Variants in CFH observed in about 807,000 individuals in gnomAD.
The protein encoded by CFH is H factor 1 (complement).
A neutral mutation model predicts 147.3 loss-of-function variants in CFH; 53 were observed. That is an observed-to-expected ratio of 0.36 (90% confidence interval 0.29 to 0.45). The LOEUF (loss-of-function observed/expected upper bound fraction) is 0.45, where lower values mean the gene tolerates loss of function less well. Ranked by LOEUF, CFH falls within the 20% of genes least tolerant of loss-of-function variation. The probability of loss-of-function intolerance (pLI) is 1.00; values close to 1 mark genes in which losing one functional copy is unlikely to be tolerated. For missense variants in CFH, 1,380 were observed against 1,498.0 expected (o/e 0.92, Z 1.30); for synonymous variants, 536 against 489.4 (o/e 1.10, Z -1.26).
At chr1:196,736,531 C>T (rs1265952169) in intron 15 of CFH, among the ~76,000 whole-genome samples, 2 of 151,770 alleles carry the variant, frequency 1.3e-5, no homozygotes, top group African/African-American at 2.4e-5. Context: ...ATCAATATTA[C>T]ATAAATTATG....
intron 9 of CFH, among the ~76,000 whole-genome samples, chr1:196,692,655 T>G (rs1668077223): frequency 6.6e-6 from 1 of 150,868 alleles, no homozygotes; most frequent in South Asian, 2.1e-4. Context: ...TTGTCTACGT[T>G]TCTCCTTCTT....
intron 10 of CFH, among the ~76,000 whole-genome samples, chr1:196,714,660 TATATATATAGAGAGAGAGAGAGAGAG>T (rs1240359873): frequency 2.3e-5 from 1 of 43,504 alleles, no homozygotes; most frequent in East Asian, 7.2e-4. Context: ...TATATATATA[TATATATATAGAGAGAGAGAGAGAGAG>T]AGAGAGAGAG....
chr1:196,744,826 C>A (rs1321734339), intron 20 of CFH, among the ~76,000 whole-genome samples: 1 of 152,004 alleles, frequency 6.6e-6, no homozygotes, highest in Admixed American at 6.6e-5. Context: ...TTTCTTTTAT[C>A]TGTTTTATTT....
At chr1:196,688,803 G>A (rs1432841707) in intron 7 of CFH, among the ~76,000 whole-genome samples, 1 of 151,960 alleles carries the variant, frequency 6.6e-6, no homozygotes, top group Admixed American at 6.6e-5. Context: ...TAGTAGAGAC[G>A]GAGTATCACC....
At chr1:196,726,738 CT>C (rs35870521) in intron 13 of CFH, 22 bp from the exon 14 acceptor site, 1 of 1,612,350 alleles carries the variant, frequency 6.2e-7, no homozygotes, top group South Asian at 1.1e-5. Flanking sequence ...TCACAATAAA[CT>C]TTTTTTGTAA....
In CFH at chr1:196,673,921, G is replaced by C; in HGVS notation, c.309G>C (p.Val103=). The C allele has an allele frequency of 6.2e-7, 1 of 1,613,304 alleles. No homozygotes were observed. The highest frequency in any genetic ancestry group is 8.5e-7 in the Non-Finnish European group (1 of 1,179,514). The change falls in exon 3 of 22, where the codon GTG becomes GTC. Residue 103 remains valine (V), a synonymous_variant. Coordinates refer to ENST00000367429, the MANE Select transcript of CFH (RefSeq NM_000186.4). ...FGTFTLTGGN[V]FEYGVKAVYT... ...CTTTTACCCTTACAGGAGGAAATGT[G>C]TTTGAATATGGTGTAAAAGCTGTGT...
In CFH at chr1:196,672,959, T is replaced by A; in HGVS notation, c.59-19T>A. On this transcript the variant is annotated intron_variant, in intron 1 of 21. Coordinates refer to ENST00000367429, the MANE Select transcript of CFH (RefSeq NM_000186.4). ...TAAATAGACACTTTATGCACTTATT[T>A]TGTTTTTATTGTTTGTAGATTGCAA... The A allele has an allele frequency of 6.2e-7, 1 of 1,604,662 alleles. No individual in the cohort carries two copies.
At chr1:196,710,919 C>A (rs1344429086) in intron 9 of CFH, among the ~76,000 whole-genome samples, 2 of 151,954 alleles carry the variant, frequency 1.3e-5, no homozygotes, top group Non-Finnish European at 2.9e-5. Context: ...TTGAGAGAGC[C>A]ATGATAGTTT....
chr1:196,669,947 C>A (rs1224609450), intron 1 of CFH, among the ~76,000 whole-genome samples: 2 of 152,216 alleles, frequency 1.3e-5, no homozygotes, highest in African/African-American at 2.4e-5. Context: ...ACCATTGGGG[C>A]AGGTCTGCCC....
chr1:196,715,610 G>T lies in CFH; in HGVS notation c.1537G>T (p.Val513Leu). ...TGCACTAGAATCTTGTGATATCCCA[G>T]TATTTATGAATGCCAGAACTAAAAA... is the stretch of plus-strand genomic sequence containing the variant. Reference protein sequence around the residue: ...PTCIKSCDIPVFMNARTKNDF... With the variant: ...PTCIKSCDIPLFMNARTKNDF... The change falls in exon 11 of 22, where the codon GTA (valine) becomes TTA (leucine). Residue 513 changes from valine to leucine, a missense_variant. Val to Leu is a conservative substitution (Grantham distance 32). Coordinates refer to ENST00000367429, the MANE Select transcript of CFH (RefSeq NM_000186.4). The T allele has an allele frequency of 6.2e-7, 1 of 1,612,082 alleles. No homozygotes were observed. The highest frequency in any genetic ancestry group is 8.5e-7 in the Non-Finnish European group (1 of 1,178,668).
intron 9 of CFH, among the ~76,000 whole-genome samples, chr1:196,710,297 C>G (rs1476358869): frequency 1.3e-5 from 2 of 152,100 alleles, no homozygotes; most frequent in Non-Finnish European, 2.9e-5. Flanking sequence ...TGATTAAAGC[C>G]TTTCTTTGCT....
chr1:196,729,440 C>A (rs992375310), intron 15 of CFH, among the ~76,000 whole-genome samples: 4 of 151,940 alleles, frequency 2.6e-5, no homozygotes, highest in African/African-American at 7.2e-5. Flanking sequence ...TTGGATTAAA[C>A]CCATTTGATC....
rs921123293 is a variant in CFH at position 196,652,080 on chromosome 1, G to A, written c.-38G>A. The A allele has an allele frequency of 4.2e-6, 6 of 1,420,282 alleles. No homozygotes were observed. The highest frequency in any genetic ancestry group is 3.3e-5 in the Admixed American group (2 of 59,718). 88.0% of individuals were successfully genotyped at this position (1,420,282 alleles called of 1,614,324 possible). The stretch of plus-strand genomic sequence containing the variant: ...AGAGGAGAACTGGACGTTGTGAACA[G>A]AGTTAGCTGGTAAATGTCCTCTTAA... On this transcript the variant is annotated 5_prime_UTR_variant, in exon 1 of 22. Transcript: ENST00000367429.
At position 196,673,801 on chromosome 1, in the gene CFH, A is replaced by G; in HGVS notation, c.245-56A>G. ...AATATACTTGTTCCCCCACTCCTAC[A>G]TAAAATATATTCCTTGCTATTACAT... On this transcript the variant is annotated intron_variant, in intron 2 of 21. Transcript: ENST00000367429. The G allele has an allele frequency of 2.8e-6, 3 of 1,085,602 alleles. No individual in the cohort carries two copies. In the South Asian group the frequency reaches 3.7e-5, roughly 14 times the overall value. The allele number at this position is 1,085,602 out of a possible 1,614,324, so 67.2% of individuals were successfully genotyped here.
intron 9 of CFH, among the ~76,000 whole-genome samples, chr1:196,703,907 C>T (rs548948629): frequency 3.0e-4 from 38 of 127,330 alleles, no homozygotes; most frequent in African/African-American, 9.6e-4. Flanking sequence ...CGGCGTGAAT[C>T]GGGGAGGCAG....
intron 3 of CFH, among the ~76,000 whole-genome samples, chr1:196,675,009 C>T (rs962979338): frequency 6.6e-6 from 1 of 152,128 alleles, no homozygotes; most frequent in African/African-American, 2.4e-5. Flanking sequence ...ACATTTTTAG[C>T]CCTTCAATCA....
intron 9 of CFH, among the ~76,000 whole-genome samples, chr1:196,708,440 C>A (rs909451299): frequency 1.1e-4 from 16 of 152,062 alleles, no homozygotes; most frequent in Non-Finnish European, 2.4e-4. Context: ...TTACATAGGC[C>A]CTCCATGGCC....
intron 1 of CFH, among the ~76,000 whole-genome samples, chr1:196,662,031 C>A (rs1666927846): frequency 6.6e-6 from 1 of 152,172 alleles, no homozygotes; most frequent in Non-Finnish European, 1.5e-5. Flanking sequence ...AAGCTGCTTT[C>A]CACAGAATTC....
At chr1:196,727,437 G>A (rs986129719) in intron 14 of CFH, among the ~76,000 whole-genome samples, 4 of 152,066 alleles carry the variant, frequency 2.6e-5, no homozygotes, top group African/African-American at 9.7e-5. Flanking sequence ...CCAGGAATTC[G>A]AGATTGCAGT....
Sources: allele counts gnomAD v4.1 joint callset (sites outside exome capture counted in the v4.1 genomes callset), GRCh38; gene constraint gnomAD v4.1.1; transcripts MANE v1.5; gene names NCBI Gene and HGNC (gene_info 2026-07-23, HGNC 2026-07-21).